MDGA2: variants seen among roughly 807,000 people sequenced by gnomAD.
The protein encoded by MDGA2 is MAM domain-containing glycosylphosphatidylinositol anchor protein 2.
A neutral mutation model predicts 117.8 loss-of-function variants in MDGA2; 40 were observed. The observed-to-expected ratio is 0.34, with a 90% confidence interval of 0.26 to 0.44. The LOEUF is 0.44. Ranked by LOEUF, MDGA2 falls within the 20% of genes least tolerant of loss-of-function variation. The pLI, the probability that MDGA2 is intolerant of heterozygous loss-of-function variation, is 1.00. For missense variants in MDGA2, 1,123 were observed against 1,250.6 expected (o/e 0.90, Z 1.54); for synonymous variants, 452 against 439.0 (o/e 1.03, Z -0.37).
intron 1 of MDGA2, among the ~76,000 whole-genome samples, chr14:47,463,316 T>C (rs1237916216): frequency 6.6e-6 from 1 of 152,150 alleles, no homozygotes; most frequent in Non-Finnish European, 1.5e-5. Flanking sequence ...TATAGTGCAA[T>C]GATGGATATT....
chr14:47,233,437 T>C (rs752212139), intron 2 of MDGA2, among the ~76,000 whole-genome samples: 1 of 152,168 alleles, frequency 6.6e-6, no homozygotes, highest in Non-Finnish European at 1.5e-5. Context: ...CTAGCAATTA[T>C]GTGAACATAT....
intron 15 of MDGA2, among the ~76,000 whole-genome samples, chr14:46,852,351 G>C (rs184783366): frequency 1.1e-3 from 164 of 144,548 alleles, no homozygotes; most frequent in Non-Finnish European, 2.2e-3. Flanking sequence ...GAATTCTCTT[G>C]ACCAATACAA....
intron 1 of MDGA2, among the ~76,000 whole-genome samples, chr14:47,553,438 T>C (rs1566511794): frequency 6.6e-6 from 1 of 152,206 alleles, no homozygotes; most frequent in African/African-American, 2.4e-5. Context: ...GAATAGATAA[T>C]TAACTTGTTA....
intron 1 of MDGA2, among the ~76,000 whole-genome samples, chr14:47,323,332 A>T (rs1483366895): frequency 6.6e-6 from 1 of 151,926 alleles, no homozygotes; most frequent in Non-Finnish European, 1.5e-5. Flanking sequence ...TTTCCTACAT[A>T]AAAGACAAAC....
chr14:47,504,237 T>C (rs1292722591), intron 1 of MDGA2, among the ~76,000 whole-genome samples: 1 of 152,228 alleles, frequency 6.6e-6, no homozygotes, highest in African/African-American at 2.4e-5. Context: ...AAATGGTTTT[T>C]TAAACCATAA....
intron 1 of MDGA2, among the ~76,000 whole-genome samples, chr14:47,498,806 G>A (rs917417197): frequency 6.6e-6 from 1 of 152,080 alleles, no homozygotes; most frequent in African/African-American, 2.4e-5. Context: ...GTACTAATGA[G>A]AAGGATTTTG....
intron 1 of MDGA2, among the ~76,000 whole-genome samples, chr14:47,592,129 CT>C (rs1896452900): frequency 6.6e-6 from 1 of 152,054 alleles, no homozygotes; most frequent in East Asian, 1.9e-4. Flanking sequence ...CATGAATGAA[CT>C]CCCATTCATT....
intron 1 of MDGA2, among the ~76,000 whole-genome samples, chr14:47,312,536 A>C (rs1313343392): frequency 6.6e-6 from 1 of 152,054 alleles, no homozygotes; most frequent in African/African-American, 2.4e-5. Flanking sequence ...TTGTCATGAC[A>C]GTCCTTTTTG....
intron 1 of MDGA2, among the ~76,000 whole-genome samples, chr14:47,606,080 G>A (rs1254825147): frequency 6.6e-6 from 1 of 152,092 alleles, no homozygotes; most frequent in Non-Finnish European, 1.5e-5. Context: ...CATATCATTA[G>A]CTGAAATTAC....
At chr14:47,127,477 C>A (rs940568280) in intron 5 of MDGA2, among the ~76,000 whole-genome samples, 1 of 152,042 alleles carries the variant, frequency 6.6e-6, no homozygotes, top group Non-Finnish European at 1.5e-5. Flanking sequence ...CTGAAGTGAA[C>A]CCAGTTTGAA....
intron 5 of MDGA2, among the ~76,000 whole-genome samples, chr14:47,117,297 C>A (rs1881385153): frequency 6.6e-6 from 1 of 152,098 alleles, no homozygotes; most frequent in Admixed American, 6.6e-5. Context: ...AAGCTTCGTG[C>A]AATGCAAACT....
chr14:46,874,111 C>T lies in MDGA2; in HGVS notation c.2527G>A (p.Ala843Thr). The stretch of plus-strand genomic sequence containing the variant: ...GGAGTATATTTTGTATTTCTTGTTG[C>T]TGTACTTTGCTTTGTCCAGTCAAAA... ...DNFDWTKQST[A>T]TRNTKYTPNT... is the part of the protein sequence containing the mutation. Residue 843 changes from alanine (A) to threonine (T), a missense_variant, in exon 13 of 17, where the codon GCA becomes ACA. Transcript: ENST00000399232. The T allele has an allele frequency of 6.4e-7, 1 of 1,556,462 alleles. No homozygotes were observed. Among genetic ancestry groups the T allele is most frequent in the Non-Finnish European group, 8.7e-7 (1 of 1,153,068 alleles).
chr14:47,168,774 G>C (rs1472098930), intron 3 of MDGA2, among the ~76,000 whole-genome samples: 1 of 151,998 alleles, frequency 6.6e-6, no homozygotes, highest in African/African-American at 2.4e-5. Context: ...TAAAGAAGCT[G>C]AAATTTCACA....
chr14:47,352,485 G>A (rs7140716), intron 1 of MDGA2, among the ~76,000 whole-genome samples: 3 of 149,952 alleles, frequency 2.0e-5, no homozygotes, highest in Admixed American at 2.0e-4. Flanking sequence ...TCAGCCCACC[G>A]GCACTCAGGT....
intron 1 of MDGA2, among the ~76,000 whole-genome samples, chr14:47,332,693 T>C (rs1890327660): frequency 6.6e-6 from 1 of 151,918 alleles, no homozygotes. Flanking sequence ...GGGGTACAAG[T>C]GCAGTTTTGT....
chr14:47,158,404 G>C (rs1311010800), intron 3 of MDGA2, among the ~76,000 whole-genome samples: 3 of 149,608 alleles, frequency 2.0e-5, no homozygotes, highest in Non-Finnish European at 4.4e-5. Context: ...GTGTGTTCAT[G>C]TACGCATATA....
intron 7 of MDGA2, among the ~76,000 whole-genome samples, chr14:47,046,282 C>T (rs1282860165): frequency 6.6e-6 from 1 of 151,138 alleles, no homozygotes; most frequent in Admixed American, 6.6e-5. Context: ...AACCTATAAC[C>T]ATTTCTGAGA....
intron 1 of MDGA2, among the ~76,000 whole-genome samples, chr14:47,455,798 T>A (rs6572427): frequency 0.67 from 102,179 of 151,626 alleles, 34,968 homozygotes; most frequent in East Asian, 0.98. Flanking sequence ...GGAGTTCAAG[T>A]CCAGCCTGGA....
At chr14:47,197,130 A>C (rs1885315727) in intron 3 of MDGA2, among the ~76,000 whole-genome samples, 1 of 152,178 alleles carries the variant, frequency 6.6e-6, no homozygotes, top group African/African-American at 2.4e-5. Context: ...ATGAACACAA[A>C]AGTGCATGTG....
Sources: gnomAD v4.1 joint callset for allele counts (sites outside exome capture counted in the v4.1 genomes callset) on GRCh38, gnomAD v4.1.1 for gene constraint, MANE v1.5 for transcripts, NCBI Gene and HGNC (gene_info 2026-07-23, HGNC 2026-07-21) for gene names.